The following RHBDL2 variants were observed in gnomAD, a reference collection of about 807,000 sequenced individuals.
RHBDL2 encodes rhomboid like 2.
Under a neutral mutation model 31.7 loss-of-function variants are expected in RHBDL2, and 26 were observed. That is an observed-to-expected ratio of 0.82 (90% confidence interval 0.60 to 1.14). RHBDL2 has a LOEUF of 1.14. Among genes scored for constraint, RHBDL2 ranks in the 50% most tolerant of loss-of-function variants. The probability of loss-of-function intolerance (pLI) is 0.00; values close to 1 mark genes in which losing one functional copy is unlikely to be tolerated. For synonymous variants in RHBDL2, 123 were observed against 127.2 expected (o/e 0.97, Z 0.22); for missense variants, 336 against 364.4 (o/e 0.92, Z 0.63).
intron 4 of RHBDL2, among the ~76,000 whole-genome samples, chr1:38,902,201 CTTTTTTTTTT>C (rs770169792): frequency 1.1e-5 from 1 of 92,806 alleles, no homozygotes; most frequent in Admixed American, 1.6e-4. Context: ...TTTTCTTTTT[CTTTTTTTTTT>C]TTTTTTTTTT....
intron 4 of RHBDL2, among the ~76,000 whole-genome samples, chr1:38,901,693 G>A (rs1490458850): frequency 3.3e-5 from 5 of 151,210 alleles, no homozygotes; most frequent in Admixed American, 2.0e-4. Flanking sequence ...AAAATTAGCC[G>A]GGCATGGTGG....
Position 38,886,672 on chromosome 1 carries a change from T to G in RHBDL2, c.744A>C (p.Ala248=). 1.9e-6 allele frequency: 3 copies of G among 1,553,392 alleles called. No individual in the cohort carries two copies. Among genetic ancestry groups the G allele is most frequent in the Non-Finnish European group, 2.6e-6 (3 of 1,144,928 alleles). ...VPEDGSPVSF[A]AHIAGGFAGM... ...CAGCAAATCCACCTGCAATGTGAGC[T>G]GCAAAAGACACCTTGGGAGAAAAGG... The change falls in exon 8 of 8, where the codon GCA becomes GCC. Residue 248 remains alanine (A), a synonymous_variant. Transcript: ENST00000372990.
chr1:38,920,079 C>T (rs1643290805), intron 1 of RHBDL2, among the ~76,000 whole-genome samples: 1 of 151,802 alleles, frequency 6.6e-6, no homozygotes, highest in African/African-American at 2.4e-5. Flanking sequence ...TTGACCTATA[C>T]TGGATATTTC....
chr1:38,902,443 G>A (rs35881845), intron 4 of RHBDL2, among the ~76,000 whole-genome samples: 11,580 of 141,308 alleles, frequency 0.082, 497 homozygotes, highest in Middle Eastern at 0.17. Context: ...TTTTTGAGAT[G>A]GAGTCTCGCT....
rs746786439 is a variant in RHBDL2, at chr1:38,886,605, C to T, written c.811G>A (p.Ala271Thr). Residue 271 changes from alanine to threonine, a missense_variant, in exon 8 of 8, where the codon GCA (alanine) becomes ACA (threonine). By Grantham distance (58) the Ala-to-Thr change is moderately conservative. Coordinates refer to ENST00000372990, the MANE Select transcript of RHBDL2 (RefSeq NM_017821.5). ...CAAAACCTTGGATCTTTCAGCAGTG[C>T]TTTATCAAAGCAGCTAAACACCGTG... ...GYTVFSCFDK[A>T]LLKDPRFWIA... The T allele has an allele frequency of 9.3e-6, 15 of 1,607,336 alleles. No homozygotes were observed. The highest frequency in any genetic ancestry group is 1.3e-5 in the Non-Finnish European group (15 of 1,175,648).
chr1:38,903,201 G>A (rs981075815), intron 4 of RHBDL2, among the ~76,000 whole-genome samples: 8 of 151,356 alleles, frequency 5.3e-5, no homozygotes, highest in South Asian at 4.2e-4. Flanking sequence ...GTGCAATGGC[G>A]CGATCTTGGC....
At position 38,886,344 on chromosome 1, in the gene RHBDL2, T is replaced by C. The variant is rs1642783945; in HGVS notation, c.*160A>G. ...CCTTCCTTAAATCCTAAGGTCCTTTTATAGGCAATCTTTGCAACTGATGAG... is the reference window on the plus strand; with the variant it reads ...CCTTCCTTAAATCCTAAGGTCCTTTCATAGGCAATCTTTGCAACTGATGAG... On this transcript the variant is annotated 3_prime_UTR_variant, in exon 8 of 8. Coordinates refer to ENST00000372990, the MANE Select transcript of RHBDL2 (RefSeq NM_017821.5). 1 of 433,576 alleles carries C rather than the reference T, an allele frequency of 2.3e-6. No individual in the cohort carries two copies. Among genetic ancestry groups the C allele is most frequent in the African/African-American group, 2.0e-5 (1 of 49,202 alleles). 26.9% of individuals were successfully genotyped at this position (433,576 alleles called of 1,614,324 possible).
At chr1:38,920,567 C>T (rs1046693093) in intron 1 of RHBDL2, among the ~76,000 whole-genome samples, 1 of 151,226 alleles carries the variant, frequency 6.6e-6, no homozygotes, top group Non-Finnish European at 1.5e-5. Context: ...GGGTTGTTTC[C>T]ACCTTTTCGC....
intron 4 of RHBDL2, among the ~76,000 whole-genome samples, chr1:38,908,847 C>T (rs1227302422): frequency 6.6e-6 from 1 of 152,166 alleles, no homozygotes; most frequent in African/African-American, 2.4e-5. Context: ...TTTCTGTAAT[C>T]CCAGGATTCT....
intron 4 of RHBDL2, among the ~76,000 whole-genome samples, chr1:38,909,368 C>T (rs1011318279): frequency 1.3e-5 from 2 of 152,088 alleles, no homozygotes; most frequent in Non-Finnish European, 2.9e-5. Flanking sequence ...ATGACAACAC[C>T]AAATGCTGAA....
chr1:38,913,281 C>T (rs58667290), intron 3 of RHBDL2, among the ~76,000 whole-genome samples: 4,670 of 152,012 alleles, frequency 0.031, 236 homozygotes, highest in East Asian at 0.21. Context: ...ACCCAGCCTA[C>T]TATATACTAT....
chr1:38,937,452 C>A (rs1643523300), intron 1 of RHBDL2, among the ~76,000 whole-genome samples: 1 of 152,006 alleles, frequency 6.6e-6, no homozygotes, highest in African/African-American at 2.4e-5. Flanking sequence ...AGAAGAGAAA[C>A]AATGAAAACA....
chr1:38,916,742 A>C (rs1369719339), intron 2 of RHBDL2, among the ~76,000 whole-genome samples: 2 of 151,336 alleles, frequency 1.3e-5, no homozygotes, highest in African/African-American at 4.8e-5. Flanking sequence ...GTGGTGGTGC[A>C]CACCTGTAAT....
At chr1:38,908,215 A>G (rs1011033769) in intron 4 of RHBDL2, among the ~76,000 whole-genome samples, 1 of 151,814 alleles carries the variant, frequency 6.6e-6, no homozygotes, top group Non-Finnish European at 1.5e-5. Flanking sequence ...GGGAAATGCA[A>G]ATTAAGATCA....
intron 1 of RHBDL2, among the ~76,000 whole-genome samples, chr1:38,934,684 G>A (rs1214582924): frequency 6.3e-5 from 9 of 142,524 alleles, no homozygotes; most frequent in South Asian, 2.2e-4. Context: ...ATGGCTGGGC[G>A]CGGTGGCTCA....
At chr1:38,913,264 C>T (rs1643181885) in intron 3 of RHBDL2, among the ~76,000 whole-genome samples, 1 of 151,984 alleles carries the variant, frequency 6.6e-6, no homozygotes, top group East Asian at 1.9e-4. Context: ...AAGGCATGAG[C>T]CACTGCACCC....
intron 6 of RHBDL2, among the ~76,000 whole-genome samples, chr1:38,890,323 A>G (rs1031679475): frequency 3.3e-5 from 5 of 152,034 alleles, no homozygotes; most frequent in African/African-American, 1.2e-4. Flanking sequence ...CCTGGCCCAT[A>G]TTTTCAATCA....
At position 38,935,270 on chromosome 1, in the gene RHBDL2, A is replaced by G. The variant is rs76763021; in HGVS notation, c.-126+6412T>C. ...TACCTTTATTTTTAAAAGGTTCCAT[A>G]AATGCATTAATTTGCATCCCCATGA... On this transcript the variant is annotated intron_variant, in intron 1 of 7. Transcript: ENST00000372990. Among the ~76,000 whole-genome samples, 4 of 152,358 alleles carry G rather than the reference A, an allele frequency of 2.6e-5. No homozygotes were observed. In the East Asian group the frequency reaches 7.7e-4, roughly 29 times the overall value.
At chr1:38,887,686 G>T (rs187908031) in intron 7 of RHBDL2, among the ~76,000 whole-genome samples, 51 of 151,398 alleles carry the variant, frequency 3.4e-4, no homozygotes, top group African/African-American at 1.1e-3. Context: ...GCTTCCCAAA[G>T]TGCTGGGATT....
Sources: allele counts gnomAD v4.1 joint callset (sites outside exome capture counted in the v4.1 genomes callset), GRCh38; gene constraint gnomAD v4.1.1; transcripts MANE v1.5; gene names NCBI Gene and HGNC (gene_info 2026-07-23, HGNC 2026-07-21).